GPC5: variants seen among roughly 807,000 people sequenced by gnomAD.
The protein encoded by GPC5 is glypican 5.
In GPC5, 47 loss-of-function variants were observed where a neutral mutation model predicts 53.9. The ratio of observed to expected loss-of-function variants is 0.87; its 90% confidence interval spans 0.69 to 1.11. The LOEUF (loss-of-function observed/expected upper bound fraction) is 1.11. Ranked by LOEUF, GPC5 falls within the 50% of genes most tolerant of loss-of-function variation. The pLI, the probability that GPC5 is intolerant of heterozygous loss-of-function variation, is 0.00. For synonymous variants in GPC5, 286 were observed against 263.3 expected (o/e 1.09, Z -0.84); for missense variants, 748 against 713.1 (o/e 1.05, Z -0.56).
intron 7 of GPC5, among the ~76,000 whole-genome samples, chr13:92,573,544 C>T (rs1038580773): frequency 1.3e-5 from 2 of 152,042 alleles, no homozygotes; most frequent in African/African-American, 2.4e-5. Flanking sequence ...AATATTTACT[C>T]TGTGCTAATG....
chr13:91,874,241 AT>A (rs2039178570), intron 5 of GPC5, among the ~76,000 whole-genome samples: 2 of 152,052 alleles, frequency 1.3e-5, no homozygotes, highest in Admixed American at 1.3e-4. Flanking sequence ...TGGACGATTA[AT>A]TTTATAGTCA....
At chr13:91,745,023 T>C (rs1226522385) in intron 4 of GPC5, among the ~76,000 whole-genome samples, 1 of 152,148 alleles carries the variant, frequency 6.6e-6, no homozygotes, top group African/African-American at 2.4e-5. Context: ...CCAATTTCCC[T>C]AGTATTATCT....
intron 6 of GPC5, among the ~76,000 whole-genome samples, chr13:92,127,648 A>G (rs925944629): frequency 4.6e-5 from 7 of 152,208 alleles, no homozygotes; most frequent in African/African-American, 1.7e-4. Flanking sequence ...AGTAGGTTTC[A>G]GCTGTCTAAG....
At chr13:92,357,874 TG>T (rs113657853) in intron 7 of GPC5, among the ~76,000 whole-genome samples, 7 of 150,460 alleles carry the variant, frequency 4.7e-5, no homozygotes, top group Non-Finnish European at 8.8e-5. Flanking sequence ...ACATGAGATA[TG>T]GGGGGGGACA....
At chr13:91,452,118 A>G (rs1443835186) in intron 2 of GPC5, among the ~76,000 whole-genome samples, 2 of 151,962 alleles carry the variant, frequency 1.3e-5, no homozygotes, top group Non-Finnish European at 2.9e-5. Flanking sequence ...CCGAGTAGCT[A>G]GGACTACAGG....
intron 3 of GPC5, among the ~76,000 whole-genome samples, chr13:91,722,183 A>G (rs376644189): frequency 4.8e-4 from 73 of 152,230 alleles, no homozygotes; most frequent in African/African-American, 1.5e-3. Flanking sequence ...AAAAGGGGAA[A>G]TAATTGAAAT....
intron 7 of GPC5, among the ~76,000 whole-genome samples, chr13:92,559,640 G>C (rs548797251): frequency 4.0e-5 from 6 of 151,578 alleles, no homozygotes; most frequent in Non-Finnish European, 8.8e-5. Context: ...TTGTTGCTTA[G>C]AGCCTACTAA....
chr13:91,913,480 A>C (rs1286156610), intron 6 of GPC5, among the ~76,000 whole-genome samples: 1 of 151,896 alleles, frequency 6.6e-6, no homozygotes. Context: ...ATTTTATTTC[A>C]TCATTTAGGA....
At chr13:92,564,425 AT>A (rs1882800375) in intron 7 of GPC5, among the ~76,000 whole-genome samples, 1 of 151,986 alleles carries the variant, frequency 6.6e-6, no homozygotes, top group Non-Finnish European at 1.5e-5. Context: ...TTTTGTGTTG[AT>A]GTTTTAATGC....
intron 7 of GPC5, among the ~76,000 whole-genome samples, chr13:92,385,716 T>C (rs1273077408): frequency 7.2e-6 from 1 of 138,750 alleles, no homozygotes; most frequent in African/African-American, 2.6e-5. Flanking sequence ...TATACACATA[T>C]ATACATATAT....
intron 6 of GPC5, among the ~76,000 whole-genome samples, chr13:92,008,330 A>G (rs908359387): frequency 7.2e-5 from 11 of 152,144 alleles, no homozygotes; most frequent in East Asian, 1.9e-4. Flanking sequence ...CCAAAGTGCT[A>G]GGATTACAGG....
intron 7 of GPC5, among the ~76,000 whole-genome samples, chr13:92,796,633 C>G (rs1325550068): frequency 1.3e-5 from 2 of 151,926 alleles, no homozygotes; most frequent in Non-Finnish European, 2.9e-5. Flanking sequence ...ACTACCCTTA[C>G]CATCCACCTT....
intron 7 of GPC5, among the ~76,000 whole-genome samples, chr13:92,249,156 C>A (rs2042674590): frequency 6.6e-6 from 1 of 151,970 alleles, no homozygotes; most frequent in Non-Finnish European, 1.5e-5. Flanking sequence ...AAGCATTTAA[C>A]CTTTTTTGTA....
At chr13:92,594,826 C>T (rs1367924108) in intron 7 of GPC5, among the ~76,000 whole-genome samples, 2 of 152,236 alleles carry the variant, frequency 1.3e-5, no homozygotes, top group African/African-American at 2.4e-5. Context: ...AGGCCCTTAA[C>T]ATGCAAACAC....
chr13:91,805,433 A>C (rs552998967), intron 5 of GPC5, among the ~76,000 whole-genome samples: 1 of 151,972 alleles, frequency 6.6e-6, no homozygotes, highest in African/African-American at 2.4e-5. Context: ...TTTTGCTGCT[A>C]TTAAGATACC....
intron 7 of GPC5, among the ~76,000 whole-genome samples, chr13:92,354,857 A>T (rs2043509216): frequency 6.6e-6 from 1 of 152,096 alleles, no homozygotes; most frequent in Non-Finnish European, 1.5e-5. Flanking sequence ...TCTGTAAAAG[A>T]GGGGGTGGTA....
intron 5 of GPC5, among the ~76,000 whole-genome samples, chr13:91,857,477 T>A (rs544805518): frequency 6.6e-6 from 1 of 151,530 alleles, no homozygotes; most frequent in South Asian, 2.1e-4. Flanking sequence ...TTAAAAGAAA[T>A]ATAATTTATT....
intron 7 of GPC5, among the ~76,000 whole-genome samples, chr13:92,737,427 C>T (rs747316004): frequency 4.6e-5 from 7 of 151,948 alleles, no homozygotes; most frequent in East Asian, 1.9e-4. Flanking sequence ...AGAAGATGCC[C>T]GGAAATTCAT....
chr13:92,673,132 AAT>A (rs1384446643), intron 7 of GPC5, among the ~76,000 whole-genome samples: 2 of 150,750 alleles, frequency 1.3e-5, no homozygotes, highest in African/African-American at 2.4e-5. Context: ...TGCATGACAT[AAT>A]ATGTTATTAA....
Sources: gnomAD v4.1 joint callset for allele counts (sites outside exome capture counted in the v4.1 genomes callset) on GRCh38, gnomAD v4.1.1 for gene constraint, MANE v1.5 for transcripts, NCBI Gene and HGNC (gene_info 2026-07-23, HGNC 2026-07-21) for gene names.